The following MYRF variants were observed in gnomAD, a reference collection of about 807,000 sequenced individuals.
MYRF encodes myelin gene regulatory factor.
In MYRF, 16 loss-of-function variants were observed where a neutral mutation model predicts 126.3. That is an observed-to-expected ratio of 0.13 (90% CI 0.09 to 0.19). The LOEUF is 0.19. Ranked by LOEUF, MYRF falls within the 10% of genes least tolerant of loss-of-function variation. The probability of loss-of-function intolerance (pLI) is 1.00; values close to 1 mark genes in which losing one functional copy is unlikely to be tolerated. For missense variants in MYRF, 1,104 were observed against 1,547.0 expected, an observed-to-expected ratio of 0.71 and a Z score of 4.80; for synonymous variants, 608 against 635.3, an observed-to-expected ratio of 0.96 and a Z score of 0.65.
At chr11:61,763,600 A>G (rs2065963245) in intron 1 of MYRF, among the ~76,000 whole-genome samples, 2 of 152,228 alleles carry the variant, frequency 1.3e-5, no homozygotes, top group African/African-American at 4.8e-5. Context: ...GTGGTGGCTC[A>G]CGCCTGTAAT....
At chr11:61,781,420 G>T in intron 21 of MYRF, 91 bp downstream of exon 21, 1 of 1,554,670 alleles carries the variant, frequency 6.4e-7, no homozygotes. Flanking sequence ...GTCTCCTGGA[G>T]CCTAGAACGA....
intron 3 of MYRF, chr11:61,766,730 A>G: frequency 3.3e-6 from 1 of 300,160 alleles, no homozygotes; most frequent in Middle Eastern, 1.2e-3. Context: ...AGTCCACACC[A>G]AGGGCCTGAC....
Position 61,778,762 on chromosome 11 carries a change from A to AG in MYRF, c.2013+276dup. 1 of 610,764 alleles carries AG rather than the reference A, an allele frequency of 1.6e-6. No individual in the cohort carries two copies. The highest frequency in any genetic ancestry group is 1.5e-5 in the South Asian group (1 of 66,008). The allele number at this position is 610,764 out of a possible 1,614,324, so 37.8% of individuals were successfully genotyped here. A position where few individuals can be genotyped will look rare whatever the true frequency, so the allele number is the denominator to read the frequency against. On this transcript the variant is annotated intron_variant, in intron 14 of 26. Coordinates refer to ENST00000278836, the MANE Select transcript of MYRF (RefSeq NM_001127392.3). The surrounding 1 kb of genome is among the most constrained non-coding windows in gnomAD (Gnocchi z 4.6). ...ATGGCCTTCCACCCCCGGTAAAATG[A>AG]GGGCGGTAATAGAACTGCACAGACA...
intron 3 of MYRF, chr11:61,766,655 TC>T: frequency 4.2e-6 from 1 of 238,444 alleles, no homozygotes; most frequent in Non-Finnish European, 8.3e-6. Flanking sequence ...GCACCTCAGT[TC>T]CCCCCTACCC....
At chr11:61,767,082 G>T (rs1301943351) in intron 3 of MYRF, 2 of 456,722 alleles carry the variant, frequency 4.4e-6, no homozygotes, top group Admixed American at 4.7e-5. Context: ...GGGCACAGAG[G>T]ATGCCCTGGG....
chr11:61,752,742 G>T lies in MYRF; in HGVS notation c.-3G>T. 1.4e-6 allele frequency: 2 copies of T among 1,470,436 alleles called. No individual in the cohort carries two copies. The highest frequency in any genetic ancestry group is 1.8e-6 in the Non-Finnish European group (2 of 1,115,888). 91.1% of individuals were successfully genotyped at this position (1,470,436 alleles called of 1,614,324 possible). On this transcript the variant is annotated 5_prime_UTR_variant, in exon 1 of 27. Transcript: ENST00000278836. The stretch of plus-strand genomic sequence containing the variant: ...GCTGGAGTGTGCGCCGGGCAGGCGG[G>T]ACATGGAGGTGGTGGACGAGACGGA...
At chr11:61,764,363 C>A (rs2065992385) in intron 1 of MYRF, among the ~76,000 whole-genome samples, 1 of 152,222 alleles carries the variant, frequency 6.6e-6, no homozygotes, top group African/African-American at 2.4e-5. Flanking sequence ...TCACACACCT[C>A]ATCTCGTTTC....
At position 61,778,852 on chromosome 11, in the gene MYRF, C is replaced by A. The variant is rs890643999; in HGVS notation, c.2013+363C>A. 1 of 547,260 alleles carries A rather than the reference C, an allele frequency of 1.8e-6. No individual in the cohort carries two copies. The highest frequency in any genetic ancestry group is 1.5e-5 in the South Asian group (1 of 65,440). The allele number at this position is 547,260 out of a possible 1,614,324, so 33.9% of individuals were successfully genotyped here. ...TTGTGAGGACGACGTTTGTCACTTACCTGTCCTGAGTCTGGGCGCCAAGGA... is the reference window on the plus strand; with the variant it reads ...TTGTGAGGACGACGTTTGTCACTTAACTGTCCTGAGTCTGGGCGCCAAGGA... On this transcript the variant is annotated intron_variant, in intron 14 of 26. Transcript: ENST00000278836. The surrounding 1 kb of genome is among the most constrained non-coding windows in gnomAD (Gnocchi z 4.6).
At chr11:61,784,067 C>T (rs2066625566) in intron 24 of MYRF, 142 bp downstream of exon 24, 1 of 1,117,056 alleles carries the variant, frequency 9.0e-7, no homozygotes, top group Non-Finnish European at 1.3e-6. Flanking sequence ...ACTTCATTGC[C>T]TACTTCGTGG....
Position 61,770,413 on chromosome 11 carries a change from G to A in MYRF, c.628G>A (p.Glu210Lys), listed in dbSNP as rs565045590. The A allele has an allele frequency of 1.8e-5, 25 of 1,390,240 alleles. No homozygotes were observed. The highest frequency in any genetic ancestry group is 1.2e-5 in the Non-Finnish European group (13 of 1,044,666). 86.1% of individuals were successfully genotyped at this position (1,390,240 alleles called of 1,614,324 possible). The change falls in exon 5 of 27, where the codon GAG (glutamate) becomes AAG (lysine). Residue 210 changes from glutamate to lysine, a missense_variant. Glu to Lys is a moderately conservative substitution (Grantham distance 56, BLOSUM62 1). This residue lies in a region of MYRF where 368 missense variants were observed against 403.9 expected (regional missense o/e 0.91). Transcript: ENST00000278836. ...GCAGCGGGATCTGTACATGAAGGCC[G>A]AGCCCCCGATCCCCCACTACGCTGC... ...VLQRDLYMKA[E>K]PPIPHYAAMG... is the part of the protein sequence containing the mutation.
At position 61,778,527 on chromosome 11, in the gene MYRF, AGTGGG is replaced by A; in HGVS notation, c.2013+40_2013+44del. On this transcript the variant is annotated intron_variant, in intron 14 of 26. Transcript: ENST00000278836. This position sits in a 1 kb window ranked among gnomAD's most constrained non-coding sequence, Gnocchi z 4.6. ...GGGAATGGGAGGGAGCCCAGAGGCA[AGTGGG>A]GAGCCAGCTGGGGAACACTCATCAC... The A allele has an allele frequency of 6.9e-7, 1 of 1,454,778 alleles. No individual in the cohort carries two copies. The highest frequency in any genetic ancestry group is 9.7e-7 in the Non-Finnish European group (1 of 1,035,144). The allele number at this position is 1,454,778 out of a possible 1,614,324, so 90.1% of individuals were successfully genotyped here. A position where few individuals can be genotyped will look rare whatever the true frequency, so the allele number is the denominator to read the frequency against.
At chr11:61,754,732 G>A (rs1162534349) in intron 1 of MYRF, among the ~76,000 whole-genome samples, 3 of 152,220 alleles carry the variant, frequency 2.0e-5, no homozygotes, top group Non-Finnish European at 4.4e-5. Flanking sequence ...GAGATAAGAG[G>A]AGACTCAAGA....
intron 5 of MYRF, 143 bp downstream of exon 5, chr11:61,770,668 G>A: frequency 1.3e-6 from 1 of 751,838 alleles, no homozygotes. Context: ...GCAGATGGGG[G>A]TAACATATTT....
intron 16 of MYRF, 130 bp from the exon 17 acceptor site, chr11:61,779,712 C>CT (rs1239219652): frequency 1.7e-6 from 2 of 1,208,454 alleles, no homozygotes; most frequent in Non-Finnish European, 2.3e-6. Flanking sequence ...CCCCGTTTCT[C>CT]TTTCTTCTCC....
At chr11:61,773,834 G>A (rs774419868) in intron 7 of MYRF, 133 bp from the exon 8 acceptor site, 96 of 693,906 alleles carry the variant, frequency 1.4e-4, no homozygotes, top group Non-Finnish European at 1.9e-4. Context: ...AGGAGTGGGG[G>A]CAGCCGCATT....
At position 61,766,136 on chromosome 11, in the gene MYRF, A is replaced by T; in HGVS notation, c.313A>T (p.Asn105Tyr). Residue 105 changes from asparagine to tyrosine, a missense_variant, in exon 3 of 27, where the codon AAC becomes TAC. Physicochemically the swap from Asn to Tyr is moderately radical, Grantham distance 143. Coordinates refer to ENST00000278836, the MANE Select transcript of MYRF (RefSeq NM_001127392.3). ...CACCCCGCTGAACTGCAACAACAACAACGGCATGGGCGCTGCCCCCAAGCC... is the reference window on the plus strand; with the variant it reads ...CACCCCGCTGAACTGCAACAACAACTACGGCATGGGCGCTGCCCCCAAGCC... ...YGTPLNCNNNNGMGAAPKPFP... is the reference protein window; with the variant it reads ...YGTPLNCNNNYGMGAAPKPFP... The T allele has an allele frequency of 6.2e-7, 1 of 1,610,302 alleles. No homozygotes were observed. The highest frequency in any genetic ancestry group is 8.5e-7 in the Non-Finnish European group (1 of 1,179,196).
intron 26 of MYRF, 78 bp from the exon 27 acceptor site, chr11:61,785,985 T>G: frequency 1.3e-6 from 2 of 1,553,482 alleles, no homozygotes; most frequent in Non-Finnish European, 1.8e-6. Context: ...GGGCACAGTG[T>G]CAAGCAATGT....
Position 61,777,459 on chromosome 11 carries a change from C to G in MYRF, c.1786C>G (p.Gln596Glu), listed in dbSNP as rs762143393. ...CGACCTGCGCGCCAAGGAACACGTG[C>G]AGGAGGTGGGGACAGGGCTGTGGGG... is the stretch of plus-strand genomic sequence containing the variant. The part of the protein sequence containing the change: ...PSDLRAKEHV[Q>E]EVDTTEQLKR... The change falls in exon 12 of 27, where the codon CAG (glutamine) becomes GAG (glutamate). Residue 596 changes from glutamine to glutamate, a missense_variant. Coordinates refer to ENST00000278836, the MANE Select transcript of MYRF (RefSeq NM_001127392.3). The surrounding 1 kb of genome is among the most constrained non-coding windows in gnomAD (Gnocchi z 8.8). 1.4e-5 allele frequency: 22 copies of G among 1,608,080 alleles called. No individual in the cohort carries two copies. Among genetic ancestry groups the G allele is most frequent in the Non-Finnish European group, 1.8e-5 (21 of 1,177,756 alleles).
intron 1 of MYRF, chr11:61,755,509 G>T: frequency 6.4e-7 from 1 of 1,572,544 alleles, no homozygotes; most frequent in Non-Finnish European, 8.7e-7. Context: ...ACAGGGCAGT[G>T]TCTGAGAATC....
Sources: allele counts gnomAD v4.1 joint callset (sites outside exome capture counted in the v4.1 genomes callset), GRCh38; gene constraint gnomAD v4.1.1; regional missense constraint gnomAD v4.1.1; non-coding constraint Gnocchi (gnomAD v3.1); transcripts MANE v1.5; gene names NCBI Gene and HGNC (gene_info 2026-07-23, HGNC 2026-07-21).